The following USP50 variants were observed in gnomAD, a reference collection of about 807,000 sequenced individuals.
USP50 encodes the protein ubiquitin carboxyl-terminal hydrolase 50.
In USP50, 37 loss-of-function variants were observed where a neutral mutation model predicts 39.2. The ratio of observed to expected loss-of-function variants is 0.94; its 90% CI spans 0.73 to 1.24. The LOEUF (loss-of-function observed/expected upper bound fraction) is 1.24. Among genes scored for constraint, USP50 ranks in the 50% most tolerant of loss-of-function variants. USP50 has a pLI of 0.00. For missense variants in USP50, 374 were observed against 398.2 expected, an observed-to-expected ratio of 0.94 and a Z score of 0.52; for synonymous variants, 139 against 144.5, an observed-to-expected ratio of 0.96 and a Z score of 0.27.
At chr15:50,529,658 A>C (rs1427649328) in intron 6 of USP50, 139 bp downstream of exon 6, 2 of 892,744 alleles carry the variant, frequency 2.2e-6, no homozygotes, top group Non-Finnish European at 3.3e-6. Context: ...TGTCTAGGTC[A>C]AAGTGGAGAG....
Position 50,529,351 on chromosome 15 carries a change from A to C in USP50, c.936+446T>G, listed in dbSNP as rs1322641788. ...ATAGTGAAACCTCATCTCTACTTTAAAAAAAAAAAAAAAAAAATTGGTGGC... is the reference window on the plus strand; with the variant it reads ...ATAGTGAAACCTCATCTCTACTTTACAAAAAAAAAAAAAAAAATTGGTGGC... On this transcript the variant is annotated intron_variant, in intron 6 of 6. Coordinates refer to ENST00000532404, the MANE Select transcript of USP50 (RefSeq NM_203494.5). Among the ~76,000 whole-genome samples, 26 of 137,374 alleles carry C rather than the reference A, an allele frequency of 1.9e-4. No individual in the cohort carries two copies. In the East Asian group the frequency reaches 5.4e-3, roughly 28 times the overall value. The allele number at this position is 137,374 out of a possible 152,430, so 90.1% of individuals were successfully genotyped here. A position where few individuals can be genotyped will look rare whatever the true frequency, so the allele number is the denominator to read the frequency against.
Position 50,535,797 on chromosome 15 carries a change from T to TGGGATATGGTCCTAGCA in USP50, c.803+2911_803+2912insTGCTAGGACCATATCCC, listed in dbSNP as rs1288473537. 2.6e-5 allele frequency among the ~76,000 whole-genome samples: 4 copies of TGGGATATGGTCCTAGCA among 152,216 alleles called. No homozygotes were observed. The East Asian group carries it at 7.7e-4, about 29-fold the overall frequency. Reference sequence around the variant, plus strand: ...TGGGCATGGTCCTAGCTACATACCTTTATCCCAGGTATGCAAAGCTGGTCC... The same window carrying TGGGATATGGTCCTAGCA: ...TGGGCATGGTCCTAGCTACATACCTTGGGATATGGTCCTAGCATATCCCAGGTATGCAAAGCTGGTCC... On this transcript the variant is annotated intron_variant, in intron 5 of 6. Transcript: ENST00000532404.
intron 6 of USP50, among the ~76,000 whole-genome samples, chr15:50,519,255 C>G (rs2052828440): frequency 6.6e-6 from 1 of 152,160 alleles, no homozygotes; most frequent in African/African-American, 2.4e-5. Context: ...TGACTGCACT[C>G]CAGCCTGGGC....
At chr15:50,503,000 C>A (rs1202191226) in intron 6 of USP50, 4 of 152,230 alleles carry the variant, frequency 2.6e-5, no homozygotes, top group African/African-American at 9.6e-5. Context: ...CAACCTTCGT[C>A]TTCCCCACCT....
At chr15:50,500,165 G>C (rs889218198), downstream of USP50, 1 of 152,098 alleles carries the variant, frequency 6.6e-6, no homozygotes, top group Non-Finnish European at 1.5e-5. Context: ...TGAAAGGATG[G>C]GGTTCAAATT....
At chr15:50,496,093 A>C, downstream of USP50, 1 of 1,580,446 alleles carries the variant, frequency 6.3e-7, no homozygotes, top group Non-Finnish European at 8.6e-7. Flanking sequence ...AGGTAAGTTT[A>C]AGAAGTAGAG....
At chr15:50,505,604 A>C (rs1055897708) in intron 6 of USP50, 1 of 152,226 alleles carries the variant, frequency 6.6e-6, no homozygotes, top group African/African-American at 2.4e-5. Flanking sequence ...GATCCGGGCA[A>C]ATATAACCCA....
intron 6 of USP50, among the ~76,000 whole-genome samples, chr15:50,521,301 C>T (rs1224907359): frequency 1.3e-5 from 2 of 152,288 alleles, no homozygotes; most frequent in South Asian, 2.1e-4. Context: ...CTTGACCTCT[C>T]AAAGTGCTGA....
chr15:50,523,384 G>C (rs778123107), intron 6 of USP50, among the ~76,000 whole-genome samples: 1 of 151,280 alleles, frequency 6.6e-6, no homozygotes, highest in Non-Finnish European at 1.5e-5. Context: ...TGTTGTCCGG[G>C]CTGGTCTTGA....
intron 5 of USP50, among the ~76,000 whole-genome samples, chr15:50,535,989 A>G (rs1437171525): frequency 6.6e-6 from 1 of 152,264 alleles, no homozygotes; most frequent in Non-Finnish European, 1.5e-5. Context: ...CTTCAACTTA[A>G]TAAAGAATGT....
intron 6 of USP50, among the ~76,000 whole-genome samples, chr15:50,529,184 T>G (rs1406313197): frequency 1.3e-5 from 2 of 151,906 alleles, no homozygotes; most frequent in Non-Finnish European, 2.9e-5. Flanking sequence ...TTTTGGGGCT[T>G]GGTCACAAAG....
intron 5 of USP50, among the ~76,000 whole-genome samples, chr15:50,535,324 T>C (rs1321837613): frequency 6.6e-6 from 1 of 152,222 alleles, no homozygotes; most frequent in African/African-American, 2.4e-5. Flanking sequence ...AATTGACATC[T>C]GTAGACTCTT....
intron 5 of USP50, among the ~76,000 whole-genome samples, chr15:50,534,618 A>T (rs2052965766): frequency 6.6e-6 from 1 of 152,252 alleles, no homozygotes; most frequent in Admixed American, 6.5e-5. Flanking sequence ...TGTACAAGAA[A>T]CATACTTGAA....
At position 50,541,272 on chromosome 15, in the gene USP50, A is replaced by T. The variant is rs2053028000; in HGVS notation, c.445-8T>A. The T allele has an allele frequency of 6.2e-7, 1 of 1,607,530 alleles. No individual in the cohort carries two copies. The highest frequency in any genetic ancestry group is 1.7e-5 in the Admixed American group (1 of 59,822). On this transcript the variant is annotated splice_region_variant and splice_polypyrimidine_tract_variant and intron_variant, in intron 3 of 6. Transcript: ENST00000532404. Reference sequence around the variant, plus strand: ...TCTCCGGGAGTAGTGGTACTGAATCAAGGAGCAAATTTCACCCAAATTAAT... The same window carrying T: ...TCTCCGGGAGTAGTGGTACTGAATCTAGGAGCAAATTTCACCCAAATTAAT...
chr15:50,508,178 C>CTT (rs2052689847), intron 6 of USP50: 1 of 148,118 alleles, frequency 6.8e-6, no homozygotes, highest in Non-Finnish European at 1.5e-5. Context: ...AAAATCAATA[C>CTT]TTTTGGAAAT....
chr15:50,498,554 T>A (rs1566895175), downstream of USP50: 1 of 1,552,106 alleles, frequency 6.4e-7, no homozygotes, highest in Admixed American at 1.9e-5. Context: ...TTCATCCTGG[T>A]ATCTTCCTCT....
chr15:50,501,186 A>T, intron 6 of USP50: 1 of 225,614 alleles, frequency 4.4e-6, no homozygotes, highest in South Asian at 6.0e-5. Flanking sequence ...CAGGCCGGGC[A>T]CAGTGGCTCA....
chr15:50,527,871 A>T (rs1427686905), intron 6 of USP50, among the ~76,000 whole-genome samples: 1 of 151,540 alleles, frequency 6.6e-6, no homozygotes, highest in East Asian at 1.9e-4. Context: ...TCCTGACCTC[A>T]GGTGATCTGC....
rs539002365 is a variant in USP50, at chr15:50,545,571, T to C, written c.54-790A>G. ...TATGTGATATATATGTATATATTTG[T>C]ATATATATGTATGTATGGCATATAT... On this transcript the variant is annotated intron_variant, in intron 1 of 6. Transcript: ENST00000532404. Among the ~76,000 whole-genome samples, 53 of 151,350 alleles carry C rather than the reference T, an allele frequency of 3.5e-4. No homozygotes were observed. The Middle Eastern group carries it at 0.011, about 30-fold the overall frequency.
Sources: allele counts gnomAD v4.1 joint callset (sites outside exome capture counted in the v4.1 genomes callset), GRCh38; gene constraint gnomAD v4.1.1; transcripts MANE v1.5; gene names NCBI Gene and HGNC (gene_info 2026-07-23, HGNC 2026-07-21).